AGBL1: variants seen among roughly 807,000 people sequenced by gnomAD.
AGBL1 encodes cytosolic carboxypeptidase 4.
AGBL1 carries 130 observed loss-of-function variants against 118.9 expected under a neutral mutation model. The ratio of observed to expected loss-of-function variants is 1.09; its 90% confidence interval spans 0.95 to 1.26. AGBL1 has a LOEUF of 1.26. AGBL1 is among the 50% of genes most tolerant of loss of function. The pLI is 0.00. For missense variants in AGBL1, 1,584 were observed against 1,298.1 expected, an observed-to-expected ratio of 1.22 and a Z score of -3.38; for synonymous variants, 555 against 478.9, an observed-to-expected ratio of 1.16 and a Z score of -2.08.
intron 18 of AGBL1, among the ~76,000 whole-genome samples, chr15:86,402,882 A>G (rs2081468722): frequency 6.6e-6 from 1 of 151,932 alleles, no homozygotes. Context: ...GGTTATGTTA[A>G]GTTCAAAAAC....
chr15:86,870,076 C>A (rs755073000), intron 22 of AGBL1, among the ~76,000 whole-genome samples: 4 of 152,092 alleles, frequency 2.6e-5, no homozygotes, highest in African/African-American at 7.2e-5. Flanking sequence ...GCCTTTCAGA[C>A]CCCCTATTCT....
intron 22 of AGBL1, among the ~76,000 whole-genome samples, chr15:86,884,487 G>A (rs2079941625): frequency 6.6e-6 from 1 of 152,230 alleles, no homozygotes. Context: ...TAGATAAAAG[G>A]AGACTACTGC....
intron 18 of AGBL1, among the ~76,000 whole-genome samples, chr15:86,512,967 G>T (rs1567033686): frequency 6.7e-6 from 1 of 150,250 alleles, no homozygotes. Flanking sequence ...ACTCTTTTAA[G>T]TATTCATTTT....
intron 17 of AGBL1, among the ~76,000 whole-genome samples, chr15:86,393,463 A>G (rs555517665): frequency 2.6e-4 from 39 of 152,294 alleles, no homozygotes; most frequent in African/African-American, 7.2e-4. Flanking sequence ...TTCAAAAATC[A>G]CAAAGAGAGT....
chr15:86,238,260 G>A (rs1490293688), intron 6 of AGBL1, among the ~76,000 whole-genome samples: 6 of 152,194 alleles, frequency 3.9e-5, no homozygotes, highest in African/African-American at 1.4e-4. Context: ...TAAGAGGTGA[G>A]GCTTTCTCTA....
At chr15:86,692,080 C>T (rs926237042) in intron 22 of AGBL1, among the ~76,000 whole-genome samples, 2 of 151,804 alleles carry the variant, frequency 1.3e-5, no homozygotes, top group African/African-American at 2.4e-5. Context: ...TAAAACTGAC[C>T]TCCTTTGGAA....
At chr15:86,691,954 GT>G (rs2086179582) in intron 22 of AGBL1, among the ~76,000 whole-genome samples, 1 of 151,982 alleles carries the variant, frequency 6.6e-6, no homozygotes, top group East Asian at 1.9e-4. Flanking sequence ...TTATTAAGAA[GT>G]TGAATCATCA....
chr15:86,233,082 T>C (rs974926673), intron 6 of AGBL1, among the ~76,000 whole-genome samples: 2 of 152,190 alleles, frequency 1.3e-5, no homozygotes, highest in Non-Finnish European at 2.9e-5. Context: ...GTTAGTGACT[T>C]GCCCAAGATC....
chr15:86,298,692 A>G (rs34938474), intron 17 of AGBL1, among the ~76,000 whole-genome samples: 41,181 of 151,988 alleles, frequency 0.27, 6,482 homozygotes, highest in Admixed American at 0.37. Flanking sequence ...TTTAGCTGCA[A>G]TTTAGCTAGT....
chr15:86,728,033 T>C (rs746566160), intron 22 of AGBL1, among the ~76,000 whole-genome samples: 1 of 152,254 alleles, frequency 6.6e-6, no homozygotes, highest in African/African-American at 2.4e-5. Flanking sequence ...AAACATTGTT[T>C]AGACCTTACT....
chr15:86,301,752 C>T (rs1049424182), intron 17 of AGBL1, among the ~76,000 whole-genome samples: 13 of 150,424 alleles, frequency 8.6e-5, no homozygotes, highest in Non-Finnish European at 1.5e-4. Flanking sequence ...CTAAGTTCAG[C>T]GGAAGCACAG....
At chr15:86,452,301 A>G (rs10520630) in intron 18 of AGBL1, among the ~76,000 whole-genome samples, 100,493 of 152,062 alleles carry the variant, frequency 0.66, 34,944 homozygotes, top group East Asian at 0.87. Context: ...GTCATTCCAC[A>G]ATCTCTTTCC....
chr15:86,716,889 G>C (rs149327925), intron 22 of AGBL1, among the ~76,000 whole-genome samples: 1 of 152,324 alleles, frequency 6.6e-6, no homozygotes, highest in Non-Finnish European at 1.5e-5. Flanking sequence ...TGGAACCCTT[G>C]TCCGGCCATT....
intron 23 of AGBL1, among the ~76,000 whole-genome samples, chr15:86,953,181 A>G (rs535754377): frequency 6.6e-6 from 1 of 152,098 alleles, no homozygotes; most frequent in Non-Finnish European, 1.5e-5. Flanking sequence ...ATTTTTAGAT[A>G]TTTTTCCAAT....
At chr15:86,739,504 G>A in intron 22 of AGBL1, among the ~76,000 whole-genome samples, 1 of 132,450 alleles carries the variant, frequency 7.6e-6, no homozygotes. Flanking sequence ...GATCCATCAA[G>A]ATTCATTTTT....
chr15:86,160,873 C>A (rs968734377), intron 5 of AGBL1, among the ~76,000 whole-genome samples: 1 of 152,212 alleles, frequency 6.6e-6, no homozygotes, highest in Non-Finnish European at 1.5e-5. Context: ...TATCAAGGCA[C>A]TAGGTCTCTT....
Position 86,962,527 on chromosome 15 carries a change from G to A in AGBL1, c.3222-25460G>A, listed in dbSNP as rs114197478. On this transcript the variant is annotated intron_variant, in intron 23 of 24. Coordinates refer to the AGBL1 transcript ENST00000441037. Reference sequence around the variant, plus strand: ...TTTCACCACAAAACACTTTTTTTAAGAATTCTTATTAATAACACTTCTTGG... The same window carrying A: ...TTTCACCACAAAACACTTTTTTTAAAAATTCTTATTAATAACACTTCTTGG... 5.0e-3 allele frequency among the ~76,000 whole-genome samples: 765 copies of A among 151,814 alleles called. 5 individuals carry two copies. The highest frequency in any genetic ancestry group is 0.018 in the African/African-American group (736 of 41,440).
chr15:86,833,014 C>A (rs2079126607), intron 22 of AGBL1, among the ~76,000 whole-genome samples: 1 of 152,112 alleles, frequency 6.6e-6, no homozygotes, highest in South Asian at 2.1e-4. Flanking sequence ...TCTTACAAGG[C>A]AGCAGGCAAG....
intron 22 of AGBL1, among the ~76,000 whole-genome samples, chr15:86,886,845 A>G (rs1347412561): frequency 6.6e-6 from 1 of 152,168 alleles, no homozygotes; most frequent in Non-Finnish European, 1.5e-5. Context: ...TAATGAAGGG[A>G]TTAGGTAGGA....
Sources: allele counts gnomAD v4.1 joint callset (sites outside exome capture counted in the v4.1 genomes callset), GRCh38; gene constraint gnomAD v4.1.1; transcripts MANE v1.5; gene names NCBI Gene and HGNC (gene_info 2026-07-23, HGNC 2026-07-21).